KRT25: variants seen among roughly 807,000 people sequenced by gnomAD.
KRT25 encodes the protein keratin 25, also known as keratin, type I cytoskeletal 25.
A neutral mutation model predicts 47.6 loss-of-function variants in KRT25; 37 were observed. That is an observed-to-expected ratio of 0.78 (90% CI 0.60 to 1.02). The LOEUF is 1.02. Among genes scored for constraint, KRT25 ranks in the 50% least tolerant of loss-of-function variants. The pLI is 0.00. For synonymous variants in KRT25, 203 were observed against 210.2 expected, an observed-to-expected ratio of 0.97 and a Z score of 0.30; for missense variants, 542 against 550.3, an observed-to-expected ratio of 0.98 and a Z score of 0.15.
chr17:40,754,084 A>G, intron 2 of KRT25, 68 bp from the exon 3 acceptor site: 1 of 1,446,750 alleles, frequency 6.9e-7, no homozygotes, highest in Non-Finnish European at 9.7e-7. Flanking sequence ...TCACTGATCA[A>G]TGACAAATGC....
intron 3 of KRT25, among the ~76,000 whole-genome samples, chr17:40,751,537 T>G (rs1347089614): frequency 6.6e-6 from 1 of 152,242 alleles, no homozygotes; most frequent in East Asian, 1.9e-4. Context: ...TGTTTCATTC[T>G]GGGAGAGTTT....
At chr17:40,754,361 C>A in intron 2 of KRT25, 25 bp downstream of exon 2, 2 of 1,586,052 alleles carry the variant, frequency 1.3e-6, no homozygotes, top group South Asian at 1.1e-5. Flanking sequence ...GCCATGAATT[C>A]ATTTCACTCT....
chr17:40,755,403 A>G (rs2038098311), upstream of KRT25: 1 of 796,392 alleles, frequency 1.3e-6, no homozygotes, highest in Admixed American at 3.0e-5. Context: ...CTGCCTACAC[A>G]GAGTAAAACA....
In KRT25 at chr17:40,753,938, G is replaced by C. The variant is rs560835445; in HGVS notation, c.591C>G (p.Thr197=). ...NGLRRVLDEI[T]LCRTDLEIQY... ...GAATCTCCAGATCTGTTCTGCACAG[G>C]GTTATTTCATCCAAAACTCTTCGTA... is the stretch of plus-strand genomic sequence containing the variant. Residue 197 remains threonine (T), a synonymous_variant, in exon 3 of 8, where the codon ACC becomes ACG. Coordinates refer to ENST00000312150, the MANE Select transcript of KRT25 (RefSeq NM_181534.4). The C allele has an allele frequency of 7.9e-5, 128 of 1,613,722 alleles. No individual in the cohort carries two copies. Among genetic ancestry groups the C allele is most frequent in the Middle Eastern group, 1.6e-4 (1 of 6,062 alleles).
chr17:40,754,469 C>T lies in KRT25; in HGVS notation c.430-1G>A. On this transcript the variant is annotated splice_acceptor_variant, in intron 1 of 7. Coordinates refer to ENST00000312150, the MANE Select transcript of KRT25 (RefSeq NM_181534.4). LOFTEE classifies it high-confidence loss of function. ...CATTGCTGGTGGTGGATGCGATGATCTAGAAATGGGAATTTGACTTTTATC... is the reference window on the plus strand; with the variant it reads ...CATTGCTGGTGGTGGATGCGATGATTTAGAAATGGGAATTTGACTTTTATC... The T allele has an allele frequency of 1.9e-6, 3 of 1,612,960 alleles. No individual in the cohort carries two copies. The highest frequency in any genetic ancestry group is 2.5e-6 in the Non-Finnish European group (3 of 1,179,156).
At position 40,751,153 on chromosome 17, in the gene KRT25, G is replaced by C; in HGVS notation, c.831+12C>G. 2 of 1,614,102 alleles carry C rather than the reference G, an allele frequency of 1.2e-6. No individual in the cohort carries two copies. Among genetic ancestry groups the C allele is most frequent in the Non-Finnish European group, 1.7e-6 (2 of 1,179,996 alleles). On this transcript the variant is annotated intron_variant, in intron 4 of 7. Coordinates refer to ENST00000312150, the MANE Select transcript of KRT25 (RefSeq NM_181534.4). ...TAACATGCAAAGGGACCGTTTTCTG[G>C]AGGAGAGTCACCTTCTCGTTGAACC...
intron 3 of KRT25, 134 bp downstream of exon 3, chr17:40,753,726 C>CCA: frequency 5.2e-6 from 1 of 193,948 alleles, no homozygotes; most frequent in Non-Finnish European, 9.9e-6. Context: ...AAAAAAAAGA[C>CCA]AGCTCAGCCC....
Position 40,750,559 on chromosome 17 carries a change from G to T in KRT25, c.996C>A (p.Ser332Arg). Reference sequence around the variant, plus strand: ...TCTGCGCCAGCTGCGCACAGTAGTTGCTCTCGGTCTCTGTCAAGGAGCACT... The same window carrying T: ...TCTGCGCCAGCTGCGCACAGTAGTTTCTCTCGGTCTCTGTCAAGGAGCACT... ...SLECSLTETE[S>R]NYCAQLAQIQ... The change falls in exon 6 of 8, where the codon AGC (serine) becomes AGA (arginine). Residue 332 changes from serine (S) to arginine (R), a missense_variant. Transcript: ENST00000312150. The T allele has an allele frequency of 6.2e-7, 1 of 1,614,238 alleles. No homozygotes were observed. The highest frequency in any genetic ancestry group is 1.1e-5 in the South Asian group (1 of 91,082).
intron 3 of KRT25, among the ~76,000 whole-genome samples, 198 bp downstream of exon 3, chr17:40,753,662 C>T (rs189892481): frequency 1.2e-3 from 141 of 115,690 alleles, no homozygotes; most frequent in Non-Finnish European, 2.1e-3. Context: ...TCAGCCTGGA[C>T]GGCAGAGCGA....
At chr17:40,752,154 CTAATAA>C (rs970347283) in intron 3 of KRT25, among the ~76,000 whole-genome samples, 2 of 152,052 alleles carry the variant, frequency 1.3e-5, no homozygotes, top group Admixed American at 6.6e-5. Flanking sequence ...AGTCAAAGAA[CTAATAA>C]TAATAATAAG....
At chr17:40,751,441 T>C in intron 3 of KRT25, 115 bp from the exon 4 acceptor site, 2 of 1,144,770 alleles carry the variant, frequency 1.7e-6, no homozygotes, top group South Asian at 1.7e-5. Context: ...AGGCTGTGCA[T>C]TGACCCCCTC....
chr17:40,749,379 G>T, intron 6 of KRT25, 54 bp from the exon 7 acceptor site: 1 of 1,271,236 alleles, frequency 7.9e-7, no homozygotes, highest in South Asian at 1.2e-5. Flanking sequence ...TCAATTCTAG[G>T]ATCACCATAT....
chr17:40,750,814 A>G (rs1161981453), intron 5 of KRT25, 140 bp downstream of exon 5: 1 of 1,256,866 alleles, frequency 8.0e-7, no homozygotes, highest in Admixed American at 2.3e-5. Context: ...GGTGTCAGCT[A>G]TACAATCCTA....
At position 40,754,847 on chromosome 17, in the gene KRT25, T is replaced by A. The variant is rs778438442; in HGVS notation, c.425A>T (p.Asn142Ile). The A allele has an allele frequency of 1.9e-6, 3 of 1,609,222 alleles. No individual in the cohort carries two copies. In the East Asian group the frequency reaches 6.7e-5, roughly 36 times the overall value. The change falls in exon 1 of 8, where the codon AAT (asparagine) becomes ATT (isoleucine). Residue 142 changes from asparagine to isoleucine, a missense_variant. Asn to Ile is a moderately radical substitution (Grantham distance 149). Transcript: ENST00000312150. ...TTGTGCAGTATGATTTCTTACCTGA[T>A]TTTTAAGGTCATCAATTATTGGGAA... ...RYFPIIDDLK[N>I]QIIASTTSNA...
At position 40,751,187 on chromosome 17, in the gene KRT25, G is replaced by A. The variant is rs1325219096; in HGVS notation, c.809C>T (p.Ala270Val). Residue 270 changes from alanine (A) to valine (V), a missense_variant, in exon 4 of 8, where the codon GCG (alanine) becomes GTG (valine). Physicochemically the swap from Ala to Val is moderately conservative, Grantham distance 64. Transcript: ENST00000312150. ...EALAEQNRRD[A>V]EAWFNEKSAS... Reference sequence around the variant, plus strand: ...CACCTTCTCGTTGAACCAGGCCTCCGCGTCCCTGCGGTTCTGCTCTGCAAG... The same window carrying A: ...CACCTTCTCGTTGAACCAGGCCTCCACGTCCCTGCGGTTCTGCTCTGCAAG... The A allele has an allele frequency of 6.2e-7, 1 of 1,614,112 alleles. No homozygotes were observed. The highest frequency in any genetic ancestry group is 1.7e-4 in the Middle Eastern group (1 of 6,060).
rs865882548 is a variant in KRT25, at chr17:40,754,423, C to T, written c.475G>A (p.Asp159Asn). The change falls in exon 2 of 8, where the codon GAT becomes AAT. Residue 159 changes from aspartate (D) to asparagine (N), a missense_variant. Transcript: ENST00000312150. ...TCATCAGCTGTAAGCCTGGCATTAT[C>T]GATCTGCAGAACAGCATTAGCATTG... The part of the protein sequence containing the change: ...TSNANAVLQI[D>N]NARLTADDFR... The T allele has an allele frequency of 6.2e-6, 10 of 1,613,824 alleles. No individual in the cohort carries two copies. Among genetic ancestry groups the T allele is most frequent in the African/African-American group, 1.3e-5 (1 of 74,914 alleles).
Position 40,748,395 on chromosome 17 carries a change from T to G in KRT25, c.1244-9A>C. 6.5e-7 allele frequency: 1 copy of G among 1,538,386 alleles called. No individual in the cohort carries two copies. Among genetic ancestry groups the G allele is most frequent in the Non-Finnish European group, 8.9e-7 (1 of 1,129,458 alleles). ...TATGGCTTTGGCTGGGTCTGAGCATTAAAAATTAAAAGGAGATTTTATGTA... is the reference window on the plus strand; with the variant it reads ...TATGGCTTTGGCTGGGTCTGAGCATGAAAAATTAAAAGGAGATTTTATGTA... On this transcript the variant is annotated splice_polypyrimidine_tract_variant and intron_variant, in intron 7 of 7. Transcript: ENST00000312150.
At chr17:40,753,774 T>C in intron 3 of KRT25, 86 bp downstream of exon 3, 1 of 1,112,882 alleles carries the variant, frequency 9.0e-7, no homozygotes, top group South Asian at 1.7e-5. Flanking sequence ...GCACCAACTT[T>C]TTATATGAGA....
chr17:40,754,329 G>T, intron 2 of KRT25, 57 bp downstream of exon 2: 3 of 1,366,460 alleles, frequency 2.2e-6, no homozygotes, highest in Non-Finnish European at 1.0e-6. Context: ...TGCTAAATTT[G>T]ATGTAATGCG....
Sources: allele counts gnomAD v4.1 joint callset (sites outside exome capture counted in the v4.1 genomes callset), GRCh38; gene constraint gnomAD v4.1.1; transcripts MANE v1.5; gene names NCBI Gene and HGNC (gene_info 2026-07-23, HGNC 2026-07-21).